AMOTL1: variants seen among roughly 807,000 people sequenced by gnomAD.
AMOTL1 encodes angiomotin-like protein 1.
Under a neutral mutation model 102.9 loss-of-function variants are expected in AMOTL1, and 45 were observed. The ratio of observed to expected loss-of-function variants is 0.44; its 90% CI spans 0.34 to 0.56. The LOEUF (loss-of-function observed/expected upper bound fraction) is 0.56. Ranked by LOEUF, AMOTL1 falls within the 20% of genes least tolerant of loss-of-function variation. AMOTL1 has a pLI of 0.01. For missense variants in AMOTL1, 1,114 were observed against 1,225.6 expected (o/e 0.91, Z 1.36); for synonymous variants, 481 against 484.7 (o/e 0.99, Z 0.10).
At chr11:94,789,624 T>G (rs1359723572) in intron 1 of AMOTL1, among the ~76,000 whole-genome samples, 1 of 152,194 alleles carries the variant, frequency 6.6e-6, no homozygotes, top group Non-Finnish European at 1.5e-5. Context: ...GTACTGGTCA[T>G]AGGTTCTCCA....
At chr11:94,789,946 G>A (rs989733025) in intron 1 of AMOTL1, among the ~76,000 whole-genome samples, 3 of 152,196 alleles carry the variant, frequency 2.0e-5, no homozygotes, top group African/African-American at 4.8e-5. Flanking sequence ...TTGCCCGTTG[G>A]TGACATAACA....
At chr11:94,851,237 A>G (rs912725284) in intron 7 of AMOTL1, among the ~76,000 whole-genome samples, 12 of 152,224 alleles carry the variant, frequency 7.9e-5, no homozygotes, top group African/African-American at 2.9e-4. Flanking sequence ...TGCCTAAGGG[A>G]GGCTGGGGCT....
intron 3 of AMOTL1, among the ~76,000 whole-genome samples, chr11:94,750,772 C>T (rs578208368): frequency 2.6e-5 from 4 of 152,290 alleles, no homozygotes; most frequent in Admixed American, 6.5e-5. Flanking sequence ...CACCCTACCA[C>T]GGGGGTGTGG....
chr11:94,709,204 C>T (rs776164790), intron 1 of AMOTL1, among the ~76,000 whole-genome samples: 14 of 152,292 alleles, frequency 9.2e-5, no homozygotes, highest in Non-Finnish European at 1.6e-4. Context: ...GCCTTAGAGA[C>T]TTGGTTGACC....
At chr11:94,851,482 T>A (rs746856112) in intron 7 of AMOTL1, among the ~76,000 whole-genome samples, 8 of 152,224 alleles carry the variant, frequency 5.3e-5, no homozygotes, top group Non-Finnish European at 1.0e-4. Context: ...TAGGTCTGCT[T>A]CCAGCATCAC....
chr11:94,729,302 C>T (rs979310488), intron 2 of AMOTL1, among the ~76,000 whole-genome samples: 7 of 152,096 alleles, frequency 4.6e-5, no homozygotes, highest in Admixed American at 4.6e-4. Context: ...AGTAAGAATG[C>T]CCACTTTGCA....
In AMOTL1 at chr11:94,774,067, C is replaced by T. The variant is rs186088949; in HGVS notation, c.49+5507C>T. Among the ~76,000 whole-genome samples, 291 of 152,224 alleles carry T rather than the reference C, an allele frequency of 1.9e-3. 2 individuals are homozygous for T. Among genetic ancestry groups the T allele is most frequent in the African/African-American group, 6.5e-3 (270 of 41,516 alleles). On this transcript the variant is annotated intron_variant, in intron 1 of 12. Transcript: ENST00000433060. ...GAAGCAATGCGCACAATGCTGGGCA[C>T]GTTGAAAGCATTCAATAAATACCTG...
exon 2 of AMOTL1, chr11:94,728,934 T>C: frequency 8.0e-7 from 1 of 1,248,384 alleles, no homozygotes; most frequent in Middle Eastern, 2.2e-4. Flanking sequence ...ATTGCTTCCA[T>C]TTGATCTGAA....
At chr11:94,746,194 T>C (rs1950588417) in intron 3 of AMOTL1, among the ~76,000 whole-genome samples, 1 of 152,212 alleles carries the variant, frequency 6.6e-6, no homozygotes, top group Non-Finnish European at 1.5e-5. Context: ...GAATGCTGTA[T>C]TGAAGTGTCA....
At chr11:94,709,828 G>T (rs767535715) in intron 1 of AMOTL1, among the ~76,000 whole-genome samples, 1 of 152,012 alleles carries the variant, frequency 6.6e-6, no homozygotes, top group Non-Finnish European at 1.5e-5. Context: ...ATGGGAACAA[G>T]GTAGTAACCT....
intron 6 of AMOTL1, among the ~76,000 whole-genome samples, 176 bp downstream of exon 6, chr11:94,831,717 A>G (rs927077846): frequency 6.6e-6 from 1 of 152,206 alleles, no homozygotes; most frequent in African/African-American, 2.4e-5. Context: ...GACAAAGCTG[A>G]GGTCACTGTG....
intron 3 of AMOTL1, among the ~76,000 whole-genome samples, chr11:94,757,079 G>T (rs1950735165): frequency 6.6e-6 from 1 of 151,750 alleles, no homozygotes; most frequent in Non-Finnish European, 1.5e-5. Context: ...CTCAAATCAA[G>T]ATGATAATTA....
chr11:94,741,606 C>T (rs1228903994), intron 3 of AMOTL1, among the ~76,000 whole-genome samples: 2 of 152,090 alleles, frequency 1.3e-5, no homozygotes, highest in Non-Finnish European at 2.9e-5. Context: ...TGAACCGGGA[C>T]ACTCTTGTCA....
chr11:94,728,785 C>A (rs886351132), intron 1 of AMOTL1: 2 of 371,752 alleles, frequency 5.4e-6, no homozygotes, highest in South Asian at 4.7e-5. Context: ...ATACCCAAAT[C>A]TAGACAACGA....
At chr11:94,725,479 C>T (rs1170659048) in intron 1 of AMOTL1, among the ~76,000 whole-genome samples, 1 of 152,224 alleles carries the variant, frequency 6.6e-6, no homozygotes, top group East Asian at 1.9e-4. Flanking sequence ...AAGTGCCTCC[C>T]TTATGATGAC....
chr11:94,728,667 A>T (rs1363662691), intron 1 of AMOTL1, among the ~76,000 whole-genome samples: 2 of 152,194 alleles, frequency 1.3e-5, no homozygotes, highest in Non-Finnish European at 2.9e-5. Flanking sequence ...ACTAAATAGT[A>T]AATTTCTTGC....
rs767305402 is a variant in AMOTL1 at position 94,869,272 on chromosome 11, T to C, written c.2563T>C (p.Ser855Pro). ...LLPPPPTSAL[S>P]SIASTTAASS... Reference sequence around the variant, plus strand: ...GCCACCCCCACCCACCTCAGCACTGTCCTCCATAGCCTCCACTACGGCAGC... The same window carrying C: ...GCCACCCCCACCCACCTCAGCACTGCCCTCCATAGCCTCCACTACGGCAGC... Residue 855 changes from serine (S) to proline (P), a missense_variant, in exon 12 of 13, where the codon TCC becomes CCC. By Grantham distance (74) the Ser-to-Pro change is moderately conservative (BLOSUM62 -1). Transcript: ENST00000433060. 3 of 1,613,076 alleles carry C rather than the reference T, an allele frequency of 1.9e-6. No individual in the cohort carries two copies. The Admixed American group carries it at 5.0e-5, about 27-fold the overall frequency.
At chr11:94,782,497 A>G (rs988808713) in intron 1 of AMOTL1, among the ~76,000 whole-genome samples, 2 of 152,228 alleles carry the variant, frequency 1.3e-5, no homozygotes, top group Non-Finnish European at 2.9e-5. Flanking sequence ...TGTTTTCCAG[A>G]TGACCACATA....
chr11:94,824,366 A>G lies in AMOTL1; in HGVS notation c.1413+2545A>G, dbSNP rs1274546450. 2.0e-5 allele frequency among the ~76,000 whole-genome samples: 3 copies of G among 152,204 alleles called. No individual in the cohort carries two copies. In the East Asian group the frequency reaches 5.8e-4, roughly 29 times the overall value. On this transcript the variant is annotated intron_variant, in intron 4 of 12. Transcript: ENST00000433060. ...TTGGGGGCCTGCTATGTGTCATTTT[A>G]CTTAAAGTTGCAGTTTCCAAGAACC...
Sources: allele counts gnomAD v4.1 joint callset (sites outside exome capture counted in the v4.1 genomes callset), GRCh38; gene constraint gnomAD v4.1.1; transcripts MANE v1.5; gene names NCBI Gene and HGNC (gene_info 2026-07-23, HGNC 2026-07-21).